CDH8: variants seen among roughly 807,000 people sequenced by gnomAD.
CDH8 encodes cadherin 8.
Under a neutral mutation model 68.1 loss-of-function variants are expected in CDH8, and 17 were observed. That is an observed-to-expected ratio of 0.25 (90% confidence interval 0.17 to 0.37). The LOEUF (loss-of-function observed/expected upper bound fraction) is 0.37, where lower values mean the gene tolerates loss of function less well. Among genes scored for constraint, CDH8 ranks in the 10% least tolerant of loss-of-function variants. CDH8 has a pLI of 1.00. For synonymous variants in CDH8, 372 were observed against 365.1 expected, an observed-to-expected ratio of 1.02 and a Z score of -0.21; for missense variants, 763 against 999.3, an observed-to-expected ratio of 0.76 and a Z score of 3.19.
chr16:61,694,115 C>T (rs902522307), intron 10 of CDH8, among the ~76,000 whole-genome samples: 4 of 152,122 alleles, frequency 2.6e-5, no homozygotes, highest in Non-Finnish European at 5.9e-5. Context: ...CTATTTTGAT[C>T]GATCATAATC....
intron 10 of CDH8, among the ~76,000 whole-genome samples, chr16:61,708,688 T>C (rs984625737): frequency 2.3e-4 from 35 of 152,340 alleles, no homozygotes; most frequent in African/African-American, 8.2e-4. Context: ...AAATGAAACA[T>C]AAATGTCTTT....
intron 2 of CDH8, among the ~76,000 whole-genome samples, chr16:61,950,889 T>C (rs1026845733): frequency 6.6e-5 from 10 of 151,998 alleles, no homozygotes; most frequent in African/African-American, 2.4e-4. Context: ...CTGGGGTCTA[T>C]TTGAGGGGGA....
At chr16:61,923,207 C>A (rs1390992031) in intron 2 of CDH8, among the ~76,000 whole-genome samples, 1 of 152,140 alleles carries the variant, frequency 6.6e-6, no homozygotes, top group Non-Finnish European at 1.5e-5. Flanking sequence ...CTGGGGAATT[C>A]TTCTGGCCAT....
At chr16:61,808,241 A>C (rs753236481) in intron 7 of CDH8, among the ~76,000 whole-genome samples, 7 of 152,216 alleles carry the variant, frequency 4.6e-5, no homozygotes, top group Admixed American at 4.6e-4. Flanking sequence ...GAATGTGTGA[A>C]GAGATTACAG....
At chr16:62,004,786 TTCAG>T (rs1192996943) in intron 2 of CDH8, among the ~76,000 whole-genome samples, 1 of 152,212 alleles carries the variant, frequency 6.6e-6, no homozygotes. Context: ...AGTATCTGCA[TTCAG>T]TCAATCAGTC....
chr16:61,717,935 T>G (rs977519245), intron 9 of CDH8, among the ~76,000 whole-genome samples: 3 of 151,638 alleles, frequency 2.0e-5, no homozygotes, highest in Admixed American at 6.6e-5. Flanking sequence ...TAATGTATTA[T>G]ATACATTCAA....
intron 2 of CDH8, among the ~76,000 whole-genome samples, chr16:61,999,859 A>G (rs1033311413): frequency 5.9e-5 from 9 of 152,034 alleles, no homozygotes; most frequent in Admixed American, 2.0e-4. Flanking sequence ...TTACATAGGT[A>G]TACATACATG....
At chr16:61,798,576 A>G (rs1226612070) in intron 7 of CDH8, among the ~76,000 whole-genome samples, 6 of 152,326 alleles carry the variant, frequency 3.9e-5, no homozygotes, top group Admixed American at 1.3e-4. Flanking sequence ...TGGCCACAAT[A>G]TCAAACAGCA....
Position 61,745,896 on chromosome 16 carries a change from G to T in CDH8, c.1415-18681C>A, listed in dbSNP as rs781617371. ...GCAGCATTTCAGAATTTTTTAATTG[G>T]ATTTTGAAAATTTCATATAAAAGGT... On this transcript the variant is annotated intron_variant, in intron 8 of 11. Coordinates refer to ENST00000577390, the MANE Select transcript of CDH8 (RefSeq NM_001796.5). Among the ~76,000 whole-genome samples, 4 of 151,788 alleles carry T rather than the reference G, an allele frequency of 2.6e-5. No homozygotes were observed. In the East Asian group the frequency reaches 7.7e-4, roughly 29 times the overall value.
intron 4 of CDH8, among the ~76,000 whole-genome samples, chr16:61,825,595 T>C (rs1430220228): frequency 6.6e-6 from 1 of 151,824 alleles, no homozygotes; most frequent in Admixed American, 6.6e-5. Flanking sequence ...TTGAAGGCTC[T>C]GAGGTCAAAG....
chr16:61,748,842 T>G (rs906741856), intron 8 of CDH8, among the ~76,000 whole-genome samples: 36 of 152,142 alleles, frequency 2.4e-4, no homozygotes, highest in African/African-American at 7.2e-4. Flanking sequence ...CAGGGAAACT[T>G]TATCTACTCT....
chr16:61,945,004 A>G (rs3784846), intron 2 of CDH8, among the ~76,000 whole-genome samples: 14,869 of 152,230 alleles, frequency 0.098, 954 homozygotes, highest in East Asian at 0.29. Flanking sequence ...AGAAAACTCA[A>G]GTTCATCACA....
intron 7 of CDH8, among the ~76,000 whole-genome samples, chr16:61,811,854 C>T (rs1961956220): frequency 6.6e-6 from 1 of 152,060 alleles, no homozygotes; most frequent in Non-Finnish European, 1.5e-5. Flanking sequence ...ATAGTCAAAT[C>T]CAAAGAATCA....
intron 2 of CDH8, among the ~76,000 whole-genome samples, chr16:61,929,260 T>C (rs1030253858): frequency 1.3e-5 from 2 of 152,148 alleles, no homozygotes; most frequent in African/African-American, 4.8e-5. Context: ...ATTTTCTATG[T>C]ATAAGCATCT....
chr16:61,810,982 C>T (rs1411880725), intron 7 of CDH8, among the ~76,000 whole-genome samples: 3 of 148,498 alleles, frequency 2.0e-5, no homozygotes, highest in Admixed American at 6.7e-5. Flanking sequence ...CGAGATTGTG[C>T]CACTGTACTC....
At chr16:61,810,475 GGAGAGA>G (rs143810797) in intron 7 of CDH8, among the ~76,000 whole-genome samples, 2 of 150,056 alleles carry the variant, frequency 1.3e-5, no homozygotes, top group Non-Finnish European at 3.0e-5. Flanking sequence ...TAGTCAGAGA[GGAGAGA>G]GAGAGAGAGA....
At chr16:61,872,433 G>T (rs568979143) in intron 3 of CDH8, among the ~76,000 whole-genome samples, 3 of 152,080 alleles carry the variant, frequency 2.0e-5, no homozygotes, top group African/African-American at 7.2e-5. Context: ...TCAAAATGAC[G>T]GCTTCTAGGT....
At chr16:61,733,834 C>G (rs1431879732) in intron 8 of CDH8, among the ~76,000 whole-genome samples, 1 of 151,960 alleles carries the variant, frequency 6.6e-6, no homozygotes, top group Admixed American at 6.6e-5. Context: ...CTTGAGCCCT[C>G]TATATCTCCT....
intron 8 of CDH8, among the ~76,000 whole-genome samples, chr16:61,737,760 C>G (rs920126948): frequency 1.3e-5 from 2 of 151,864 alleles, no homozygotes; most frequent in Non-Finnish European, 2.9e-5. Context: ...TTATGCATTC[C>G]CCTTTCTCTG....
Sources: gnomAD v4.1 joint callset for allele counts (sites outside exome capture counted in the v4.1 genomes callset) on GRCh38, gnomAD v4.1.1 for gene constraint, MANE v1.5 for transcripts, NCBI Gene and HGNC (gene_info 2026-07-23, HGNC 2026-07-21) for gene names.